The following LIPA variants were observed in gnomAD, a reference collection of about 807,000 sequenced individuals.
The protein encoded by LIPA is lipase A, lysosomal acid type.
In LIPA, 26 loss-of-function variants were observed where a neutral mutation model predicts 40.6. That is an observed-to-expected ratio of 0.64 (90% CI 0.47 to 0.89). The LOEUF (loss-of-function observed/expected upper bound fraction) is 0.89, where lower values mean the gene tolerates loss of function less well. Ranked by LOEUF, LIPA falls within the 40% of genes least tolerant of loss-of-function variation. LIPA has a pLI of 0.00. For synonymous variants in LIPA, 188 were observed against 168.4 expected, an observed-to-expected ratio of 1.12 and a Z score of -0.90; for missense variants, 455 against 479.6, an observed-to-expected ratio of 0.95 and a Z score of 0.48.
chr10:89,232,999 G>A (rs929498623), intron 3 of LIPA, among the ~76,000 whole-genome samples: 1 of 152,236 alleles, frequency 6.6e-6, no homozygotes, highest in African/African-American at 2.4e-5. Context: ...CAGCTTCTAA[G>A]AACATCGGTA....
intron 1 of LIPA, among the ~76,000 whole-genome samples, chr10:89,413,614 T>C (rs917449403): frequency 6.6e-6 from 1 of 151,782 alleles, no homozygotes; most frequent in South Asian, 2.1e-4. Context: ...AAAAAATAAA[T>C]TAATTAGCCC....
chr10:89,308,715 T>A (rs1363768931), intron 1 of LIPA: 1 of 152,200 alleles, frequency 6.6e-6, no homozygotes, highest in Non-Finnish European at 1.5e-5. Context: ...TAAGTATATA[T>A]CAACATTATT....
At chr10:89,410,914 C>G (rs1841464657) in intron 2 of LIPA, among the ~76,000 whole-genome samples, 1 of 151,648 alleles carries the variant, frequency 6.6e-6, no homozygotes, top group African/African-American at 2.4e-5. Context: ...GACAGAAAGT[C>G]AGAGAGAGAG....
chr10:89,342,262 A>T (rs555544138), intron 1 of LIPA, among the ~76,000 whole-genome samples: 8 of 152,314 alleles, frequency 5.3e-5, no homozygotes, highest in Admixed American at 4.6e-4. Flanking sequence ...ACAGATGATC[A>T]CCCTTAAGAT....
chr10:89,252,579 G>T (rs10887935), upstream of LIPA, among the ~76,000 whole-genome samples: 1 of 152,132 alleles, frequency 6.6e-6, no homozygotes, highest in African/African-American at 2.4e-5. Flanking sequence ...AAGCTGAGGA[G>T]GGCGGATCAC....
intron 2 of LIPA, among the ~76,000 whole-genome samples, chr10:89,397,626 T>C (rs1478014119): frequency 6.6e-6 from 1 of 152,246 alleles, no homozygotes; most frequent in African/African-American, 2.4e-5. Context: ...ATCTCCTGCC[T>C]TGGCCTCCCA....
chr10:89,230,607 G>T (rs1323854830), intron 3 of LIPA, among the ~76,000 whole-genome samples: 1 of 152,084 alleles, frequency 6.6e-6, no homozygotes, highest in African/African-American at 2.4e-5. Flanking sequence ...CGCCCAGCCC[G>T]ATCATGAGTT....
chr10:89,276,509 A>G (rs1843290229), intron 1 of LIPA, among the ~76,000 whole-genome samples: 1 of 152,232 alleles, frequency 6.6e-6, no homozygotes, highest in South Asian at 2.1e-4. Context: ...CCCTATCTTG[A>G]GATATCTTTA....
intron 1 of LIPA, among the ~76,000 whole-genome samples, chr10:89,269,605 T>C (rs1419654567): frequency 6.6e-6 from 1 of 152,208 alleles, no homozygotes; most frequent in Non-Finnish European, 1.5e-5. Context: ...CATGAAAGTT[T>C]GTACATGAGA....
At chr10:89,302,030 T>C in intron 1 of LIPA, 1 of 1,477,810 alleles carries the variant, frequency 6.8e-7, no homozygotes, top group Non-Finnish European at 9.5e-7. Context: ...TATAGGTCTC[T>C]TCAGCATTTA....
chr10:89,304,870 T>C (rs916404262), intron 1 of LIPA, among the ~76,000 whole-genome samples: 2 of 151,890 alleles, frequency 1.3e-5, no homozygotes, highest in African/African-American at 2.4e-5. Flanking sequence ...GTCATAAGGG[T>C]ACCCTAAAGA....
upstream of LIPA, among the ~76,000 whole-genome samples, chr10:89,343,449 G>C (rs1455159165): frequency 6.6e-6 from 1 of 152,188 alleles, no homozygotes; most frequent in Non-Finnish European, 1.5e-5. Flanking sequence ...TTGCTTTGGG[G>C]AAAGGGCTTC....
chr10:89,270,035 G>A (rs1236336515), intron 1 of LIPA, among the ~76,000 whole-genome samples: 1 of 152,202 alleles, frequency 6.6e-6, no homozygotes, highest in African/African-American at 2.4e-5. Context: ...AAGTGCAGAT[G>A]GACCTTGGTG....
chr10:89,237,586 G>A (rs1257246318), intron 3 of LIPA, among the ~76,000 whole-genome samples: 1 of 152,138 alleles, frequency 6.6e-6, no homozygotes, highest in Non-Finnish European at 1.5e-5. Context: ...TTGATGGTCA[G>A]GTCTGCCCTT....
At chr10:89,284,797 C>T (rs1843333136) in intron 1 of LIPA, among the ~76,000 whole-genome samples, 1 of 152,170 alleles carries the variant, frequency 6.6e-6, no homozygotes, top group Admixed American at 6.5e-5. Flanking sequence ...CCTGAAGTAA[C>T]TGAAGAATCA....
intron 1 of LIPA, chr10:89,285,406 A>G (rs1843336033): frequency 6.6e-6 from 1 of 151,788 alleles, no homozygotes; most frequent in South Asian, 2.1e-4. Context: ...GATACGGGAG[A>G]TGTGTTTTAT....
intron 4 of LIPA, among the ~76,000 whole-genome samples, chr10:89,227,647 A>G (rs1355432620): frequency 6.6e-6 from 1 of 152,146 alleles, no homozygotes; most frequent in Admixed American, 6.5e-5. Flanking sequence ...AGAAGAGCCA[A>G]CCCCTAGCCA....
intron 1 of LIPA, chr10:89,307,096 T>G (rs1564782056): frequency 5.0e-6 from 8 of 1,614,048 alleles, no homozygotes; most frequent in Non-Finnish European, 5.9e-6. Context: ...ATGGCAACTT[T>G]CAGCTGTACC....
chr10:89,235,131 A>G (rs1255425265), intron 3 of LIPA, among the ~76,000 whole-genome samples: 1 of 152,204 alleles, frequency 6.6e-6, no homozygotes, highest in Non-Finnish European at 1.5e-5. Flanking sequence ...GAAGAAAGTA[A>G]TCTCTAGTAG....
Sources: allele counts gnomAD v4.1 joint callset (sites outside exome capture counted in the v4.1 genomes callset), GRCh38; gene constraint gnomAD v4.1.1; transcripts MANE v1.5; gene names NCBI Gene and HGNC (gene_info 2026-07-23, HGNC 2026-07-21).